The following LRRIQ3 variants were observed in gnomAD, a reference collection of about 807,000 sequenced individuals.
LRRIQ3 encodes leucine rich repeats and IQ motif containing 3.
A neutral mutation model predicts 59.3 loss-of-function variants in LRRIQ3; 75 were observed. The ratio of observed to expected loss-of-function variants is 1.26; its 90% CI spans 1.05 to 1.53. The LOEUF (loss-of-function observed/expected upper bound fraction) is 1.53. Among genes scored for constraint, LRRIQ3 ranks in the 40% most tolerant of loss-of-function variants. The probability of loss-of-function intolerance (pLI) is 0.00; values close to 1 mark genes in which losing one functional copy is unlikely to be tolerated. For missense variants in LRRIQ3, 831 were observed against 710.0 expected, an observed-to-expected ratio of 1.17 and a Z score of -1.94; for synonymous variants, 250 against 231.3, an observed-to-expected ratio of 1.08 and a Z score of -0.73.
intron 6 of LRRIQ3, among the ~76,000 whole-genome samples, chr1:74,051,949 T>C (rs969576416): frequency 2.0e-5 from 3 of 152,130 alleles, no homozygotes; most frequent in African/African-American, 4.8e-5. Flanking sequence ...AAAAATAGAC[T>C]GGGCAAGTTT....
intron 5 of LRRIQ3, among the ~76,000 whole-genome samples, chr1:74,087,482 T>C (rs1450451402): frequency 1.3e-5 from 2 of 150,990 alleles, no homozygotes; most frequent in African/African-American, 2.4e-5. Flanking sequence ...TTGGTCTCTA[T>C]TTCATCTGTA....
At chr1:74,050,293 C>T (rs1021026181) in intron 6 of LRRIQ3, among the ~76,000 whole-genome samples, 1 of 152,060 alleles carries the variant, frequency 6.6e-6, no homozygotes, top group African/African-American at 2.4e-5. Flanking sequence ...CCATAACTTC[C>T]ACAAACTGAA....
At chr1:74,154,189 C>A (rs1003672402) in intron 4 of LRRIQ3, among the ~76,000 whole-genome samples, 2 of 127,216 alleles carry the variant, frequency 1.6e-5, no homozygotes, top group Admixed American at 1.0e-4. Context: ...TGCAGCGAGC[C>A]GAGATCGCGC....
At chr1:74,141,875 T>G (rs1309820644) in intron 4 of LRRIQ3, among the ~76,000 whole-genome samples, 2 of 152,030 alleles carry the variant, frequency 1.3e-5, no homozygotes, top group African/African-American at 4.8e-5. Context: ...AGCAGTTTCA[T>G]AATTTAATCC....
intron 3 of LRRIQ3, among the ~76,000 whole-genome samples, chr1:74,165,028 A>C (rs1648888934): frequency 6.6e-6 from 1 of 151,554 alleles, no homozygotes; most frequent in African/African-American, 2.4e-5. Context: ...CTATGTGCCC[A>C]TGTGTTATCA....
At chr1:74,107,645 T>G (rs1646633853) in intron 5 of LRRIQ3, among the ~76,000 whole-genome samples, 1 of 150,156 alleles carries the variant, frequency 6.7e-6, no homozygotes, top group Non-Finnish European at 1.5e-5. Flanking sequence ...ATCAACTAAG[T>G]GAGCTGAAGA....
intron 6 of LRRIQ3, among the ~76,000 whole-genome samples, chr1:74,051,506 T>C (rs537275750): frequency 5.8e-4 from 89 of 152,318 alleles, no homozygotes; most frequent in African/African-American, 2.1e-3. Context: ...ATTAGTGGTA[T>C]ATTAAATCAT....
chr1:74,134,459 A>G (rs1371461859), intron 4 of LRRIQ3, among the ~76,000 whole-genome samples: 1 of 152,014 alleles, frequency 6.6e-6, no homozygotes. Flanking sequence ...GGAAGAAAAC[A>G]TGAGTAATAG....
At chr1:74,106,584 C>A (rs1317501208) in intron 5 of LRRIQ3, among the ~76,000 whole-genome samples, 1 of 151,930 alleles carries the variant, frequency 6.6e-6, no homozygotes, top group Non-Finnish European at 1.5e-5. Context: ...ACAGTCCAGC[C>A]TAGGTTACTT....
intron 4 of LRRIQ3, among the ~76,000 whole-genome samples, chr1:74,111,615 AT>A (rs1370957495): frequency 2.0e-5 from 3 of 152,188 alleles, no homozygotes; most frequent in South Asian, 2.1e-4. Context: ...AGTGGAAATT[AT>A]TTTTTTAAGT....
Position 74,033,238 on chromosome 1 carries a change from T to C in LRRIQ3, c.1719-6269A>G, listed in dbSNP as rs148988951. Reference sequence around the variant, plus strand: ...TTTATCCAAATACAGGAAATAAAGATAGATAGTTGAAATGTTCCAAGGGTT... The same window carrying C: ...TTTATCCAAATACAGGAAATAAAGACAGATAGTTGAAATGTTCCAAGGGTT... On this transcript the variant is annotated intron_variant, in intron 7 of 7. Coordinates refer to ENST00000354431, the MANE Select transcript of LRRIQ3 (RefSeq NM_001105659.2). Among the ~76,000 whole-genome samples, 491 of 152,112 alleles carry C rather than the reference T, an allele frequency of 3.2e-3. 4 individuals carry two copies. Among genetic ancestry groups the C allele is most frequent in the African/African-American group, 0.011 (452 of 41,548 alleles).
chr1:74,030,973 AAAG>A (rs1653690503), intron 7 of LRRIQ3, among the ~76,000 whole-genome samples: 1 of 152,214 alleles, frequency 6.6e-6, no homozygotes, highest in Non-Finnish European at 1.5e-5. Context: ...ACACTTCTCA[AAAG>A]AAGACATTTA....
chr1:74,156,284 C>A (rs1162305261), intron 3 of LRRIQ3, among the ~76,000 whole-genome samples: 2 of 152,106 alleles, frequency 1.3e-5, no homozygotes, highest in African/African-American at 2.4e-5. Context: ...GAGGCCCTTA[C>A]CAGAAACAGA....
chr1:74,166,261 T>G (rs1410803993), intron 3 of LRRIQ3, among the ~76,000 whole-genome samples: 1 of 151,658 alleles, frequency 6.6e-6, no homozygotes, highest in African/African-American at 2.4e-5. Flanking sequence ...AAATTATCTA[T>G]TTCATGGTGG....
intron 3 of LRRIQ3, among the ~76,000 whole-genome samples, chr1:74,165,249 T>C (rs1196277533): frequency 1.3e-5 from 2 of 151,570 alleles, no homozygotes; most frequent in African/African-American, 4.8e-5. Flanking sequence ...TTCGGTAGAA[T>C]TGAGATCTTT....
intron 1 of LRRIQ3, among the ~76,000 whole-genome samples, chr1:74,187,074 T>C (rs921280175): frequency 2.4e-4 from 37 of 152,132 alleles, no homozygotes; most frequent in African/African-American, 8.4e-4. Flanking sequence ...GGAATACTGC[T>C]GGTGGGAATG....
intron 3 of LRRIQ3, among the ~76,000 whole-genome samples, chr1:74,170,577 G>T (rs978437910): frequency 4.6e-5 from 7 of 152,014 alleles, no homozygotes; most frequent in African/African-American, 1.7e-4. Context: ...GATTTGTAAC[G>T]TATTTTGAAA....
At chr1:74,143,219 A>T (rs1050438287) in intron 4 of LRRIQ3, among the ~76,000 whole-genome samples, 1 of 151,996 alleles carries the variant, frequency 6.6e-6, no homozygotes, top group Non-Finnish European at 1.5e-5. Context: ...TGAACGGGAG[A>T]CACTATTTTA....
At chr1:74,096,654 CT>C (rs999206159) in intron 5 of LRRIQ3, among the ~76,000 whole-genome samples, 1 of 152,074 alleles carries the variant, frequency 6.6e-6, no homozygotes, top group African/African-American at 2.4e-5. Context: ...CTTTTCTGCT[CT>C]GTTTTTTCCC....
Sources: gnomAD v4.1 joint callset for allele counts (sites outside exome capture counted in the v4.1 genomes callset) on GRCh38, gnomAD v4.1.1 for gene constraint, MANE v1.5 for transcripts, NCBI Gene and HGNC (gene_info 2026-07-23, HGNC 2026-07-21) for gene names.